HIPK2: variants seen among roughly 807,000 people sequenced by gnomAD.
HIPK2 encodes homeodomain interacting protein kinase 2, also known as homeodomain-interacting protein kinase 2.
In HIPK2, 27 loss-of-function variants were observed where a neutral mutation model predicts 113.7. That is an observed-to-expected ratio of 0.24 (90% CI 0.17 to 0.33). The LOEUF (loss-of-function observed/expected upper bound fraction) is 0.33. Among genes scored for constraint, HIPK2 ranks in the 10% least tolerant of loss-of-function variants. The probability of loss-of-function intolerance (pLI) is 1.00; values close to 1 mark genes in which losing one functional copy is unlikely to be tolerated. For synonymous variants in HIPK2, 631 were observed against 642.2 expected, an observed-to-expected ratio of 0.98 and a Z score of 0.26; for missense variants, 1,257 against 1,588.0, an observed-to-expected ratio of 0.79 and a Z score of 3.54.
At chr7:139,641,783 T>C (rs918248963) in intron 2 of HIPK2, among the ~76,000 whole-genome samples, 25 of 152,218 alleles carry the variant, frequency 1.6e-4, no homozygotes, top group African/African-American at 6.0e-4. Flanking sequence ...GTCAATGTCT[T>C]GCTCATTTAC....
At chr7:139,759,081 T>C (rs1440578029) in intron 1 of HIPK2, among the ~76,000 whole-genome samples, 1 of 152,156 alleles carries the variant, frequency 6.6e-6, no homozygotes, top group South Asian at 2.1e-4. Flanking sequence ...TAAAGAGCTT[T>C]CAGAATAAAG....
rs1237453253 is a variant in HIPK2 at position 139,561,892 on chromosome 7, C to A, written c.*11035G>T. 1.3e-5 allele frequency: 2 copies of A among 152,194 alleles called. No individual in the cohort carries two copies. The highest frequency in any genetic ancestry group is 4.8e-5 in the African/African-American group (2 of 41,534). 9.4% of individuals were successfully genotyped at this position (152,194 alleles called of 1,614,324 possible). A position where few individuals can be genotyped will look rare whatever the true frequency, so the allele number is the denominator to read the frequency against. On this transcript the variant is annotated 3_prime_UTR_variant, in exon 15 of 15. Coordinates refer to ENST00000406875, the MANE Select transcript of HIPK2 (RefSeq NM_022740.5). ...TTCCAAGACTAATATAAATTCACTCCATTTTTCTACAACGAAAATGATTAA... is the reference window on the plus strand; with the variant it reads ...TTCCAAGACTAATATAAATTCACTCAATTTTTCTACAACGAAAATGATTAA...
At chr7:139,742,875 G>A (rs181998292) in intron 1 of HIPK2, among the ~76,000 whole-genome samples, 17 of 152,226 alleles carry the variant, frequency 1.1e-4, no homozygotes, top group African/African-American at 1.7e-4. Context: ...CAAATTTCCC[G>A]GGCATTAACA....
At chr7:139,634,674 G>GTTTTTTCTT (rs1800744135) in intron 2 of HIPK2, among the ~76,000 whole-genome samples, 1 of 113,664 alleles carries the variant, frequency 8.8e-6, no homozygotes, top group Admixed American at 8.9e-5. Context: ...TCTGTTTCAG[G>GTTTTTTCTT]TTTTTTTTTT....
intron 2 of HIPK2, among the ~76,000 whole-genome samples, chr7:139,652,959 T>C (rs2116482606): frequency 1.3e-5 from 2 of 151,816 alleles, no homozygotes; most frequent in South Asian, 4.2e-4. Context: ...GCCAACATGG[T>C]AAAACCCCAC....
At position 139,626,627 on chromosome 7, in the gene HIPK2, G is replaced by A; in HGVS notation, c.1593C>T (p.His531=). The change falls in exon 6 of 15, where the codon CAC becomes CAT. Residue 531 remains histidine (H), a synonymous_variant. Transcript: ENST00000406875. ...GTGTGCTGTGGGGAAAATCGAGTAA[G>A]TGTGTCATGGTGACAAAGGGATGGT... ...TLNHPFVTMT[H]LLDFPHSTHV... is the part of the protein sequence containing the mutation. 1 of 1,613,956 alleles carries A rather than the reference G, an allele frequency of 6.2e-7. No individual in the cohort carries two copies. Among genetic ancestry groups the A allele is most frequent in the Non-Finnish European group, 8.5e-7 (1 of 1,179,846 alleles).
At chr7:139,659,588 G>A (rs530876140) in intron 2 of HIPK2, among the ~76,000 whole-genome samples, 28 of 152,306 alleles carry the variant, frequency 1.8e-4, no homozygotes, top group Middle Eastern at 3.4e-3. Context: ...CACCTCTGCT[G>A]TTGCTATCCT....
At chr7:139,690,055 G>A (rs987660089) in intron 2 of HIPK2, among the ~76,000 whole-genome samples, 2 of 151,416 alleles carry the variant, frequency 1.3e-5, no homozygotes, top group East Asian at 2.0e-4. Context: ...CATGAGAAGC[G>A]GTGGGGGCGG....
chr7:139,664,464 G>A (rs1801976287), intron 2 of HIPK2, among the ~76,000 whole-genome samples: 1 of 152,074 alleles, frequency 6.6e-6, no homozygotes, highest in South Asian at 2.1e-4. Flanking sequence ...TTGAACCTGG[G>A]AGGCAGAGTT....
intron 2 of HIPK2, among the ~76,000 whole-genome samples, chr7:139,707,210 C>G (rs1585401902): frequency 6.6e-6 from 1 of 152,230 alleles, no homozygotes; most frequent in South Asian, 2.1e-4. Context: ...CCTAAACAGG[C>G]GATCTGCACC....
intron 2 of HIPK2, among the ~76,000 whole-genome samples, chr7:139,700,468 C>T (rs1192889450): frequency 6.6e-6 from 1 of 152,220 alleles, no homozygotes; most frequent in Non-Finnish European, 1.5e-5. Flanking sequence ...GAGTCACCAT[C>T]ATCAGCAACG....
At chr7:139,638,542 T>C (rs1453768764) in intron 2 of HIPK2, among the ~76,000 whole-genome samples, 2 of 152,100 alleles carry the variant, frequency 1.3e-5, no homozygotes, top group South Asian at 2.1e-4. Context: ...TTTAAACATA[T>C]ATATGAAGTG....
intron 2 of HIPK2, among the ~76,000 whole-genome samples, chr7:139,650,016 G>C (rs1801397812): frequency 6.6e-6 from 1 of 152,048 alleles, no homozygotes; most frequent in African/African-American, 2.4e-5. Context: ...AGTGACTTTA[G>C]ATACATTCAG....
At chr7:139,775,926 T>C (rs1263525690) in intron 1 of HIPK2, among the ~76,000 whole-genome samples, 2 of 152,210 alleles carry the variant, frequency 1.3e-5, no homozygotes, top group African/African-American at 4.8e-5. Context: ...CCGTTTACTA[T>C]AGTTCTGAAT....
intron 1 of HIPK2, among the ~76,000 whole-genome samples, chr7:139,727,714 C>T (rs1795625590): frequency 6.6e-6 from 1 of 152,170 alleles, no homozygotes; most frequent in African/African-American, 2.4e-5. Flanking sequence ...CCTTGCCCTG[C>T]AGTGGGTGAG....
intron 2 of HIPK2, among the ~76,000 whole-genome samples, chr7:139,657,631 G>A (rs1428161954): frequency 6.6e-6 from 1 of 152,108 alleles, no homozygotes; most frequent in African/African-American, 2.4e-5. Flanking sequence ...TCTTCCTGAG[G>A]AACTTTTTGA....
At chr7:139,640,299 A>G (rs1327049024) in intron 2 of HIPK2, among the ~76,000 whole-genome samples, 1 of 152,096 alleles carries the variant, frequency 6.6e-6, no homozygotes, top group African/African-American at 2.4e-5. Context: ...ATTTAGCTCC[A>G]CTCGCTCTCT....
intron 1 of HIPK2, among the ~76,000 whole-genome samples, chr7:139,734,229 A>G (rs1795875004): frequency 6.6e-6 from 1 of 152,214 alleles, no homozygotes; most frequent in Non-Finnish European, 1.5e-5. Flanking sequence ...AGAATGCTTC[A>G]GGAGATCAAT....
At chr7:139,682,551 G>A (rs1392547941) in intron 2 of HIPK2, among the ~76,000 whole-genome samples, 1 of 152,162 alleles carries the variant, frequency 6.6e-6, no homozygotes, top group East Asian at 1.9e-4. Context: ...GGGTCCCTGT[G>A]GTGGGTGGGG....
Sources: allele counts gnomAD v4.1 joint callset (sites outside exome capture counted in the v4.1 genomes callset), GRCh38; gene constraint gnomAD v4.1.1; transcripts MANE v1.5; gene names NCBI Gene and HGNC (gene_info 2026-07-23, HGNC 2026-07-21).